PLEKHH1: variants seen among roughly 807,000 people sequenced by gnomAD.
The protein encoded by PLEKHH1 is pleckstrin homology domain-containing family H member 1.
A neutral mutation model predicts 160.0 loss-of-function variants in PLEKHH1; 104 were observed. The ratio of observed to expected loss-of-function variants is 0.65; its 90% confidence interval spans 0.55 to 0.76. The LOEUF (loss-of-function observed/expected upper bound fraction) is 0.76. PLEKHH1 is among the 30% of genes least tolerant of loss of function. The probability of loss-of-function intolerance (pLI) is 0.00; values close to 1 mark genes in which losing one functional copy is unlikely to be tolerated. For missense variants in PLEKHH1, 1,427 were observed against 1,724.1 expected, an observed-to-expected ratio of 0.83 and a Z score of 3.05; for synonymous variants, 619 against 678.4, an observed-to-expected ratio of 0.91 and a Z score of 1.36.
rs1281661160 is a variant in PLEKHH1, at chr14:67,569,194, C to T, written c.1320C>T (p.Pro440=). 6.2e-7 allele frequency: 1 copy of T among 1,612,322 alleles called. No individual in the cohort carries two copies. The highest frequency in any genetic ancestry group is 1.3e-5 in the African/African-American group (1 of 75,002). ...GCATGCGGCTCTCAGATATGTCTCC[C>T]AGAAGTAATACTGCATGCTGCGGTG... ...TSGMRLSDMS[P]RSNTACCASS... The change falls in exon 8 of 29, where the codon CCC becomes CCT. Residue 440 remains proline (P), a synonymous_variant. Transcript: ENST00000329153.
Position 67,562,348 on chromosome 14 carries a change from T to C in PLEKHH1, c.717T>C (p.Ser239=). Residue 239 remains serine, a synonymous_variant, in exon 7 of 29, where the codon TCT becomes TCC. Coordinates refer to ENST00000329153, the MANE Select transcript of PLEKHH1 (RefSeq NM_020715.3). The part of the protein sequence containing the change: ...VSEAASPLED[S]SSSTVHSGET... Reference sequence around the variant, plus strand: ...AAGCAGCAAGCCCCTTGGAGGATTCTAGTTCCAGCACGGTCCATTCTGGGG... The same window carrying C: ...AAGCAGCAAGCCCCTTGGAGGATTCCAGTTCCAGCACGGTCCATTCTGGGG... 6.2e-7 allele frequency: 1 copy of C among 1,613,950 alleles called. No homozygotes were observed. The highest frequency in any genetic ancestry group is 8.5e-7 in the Non-Finnish European group (1 of 1,179,822).
intron 23 of PLEKHH1, among the ~76,000 whole-genome samples, chr14:67,581,346 A>T (rs2035890356): frequency 6.6e-6 from 1 of 152,052 alleles, no homozygotes; most frequent in South Asian, 2.1e-4. Context: ...GCAACATGGC[A>T]AAACCCCACC....
intron 2 of PLEKHH1, among the ~76,000 whole-genome samples, chr14:67,550,440 C>T (rs190060463): frequency 6.6e-6 from 1 of 152,342 alleles, no homozygotes; most frequent in Admixed American, 6.5e-5. Flanking sequence ...CCATCCGCCT[C>T]GGCCTCCCAA....
intron 7 of PLEKHH1, among the ~76,000 whole-genome samples, chr14:67,567,863 G>A (rs1470847238): frequency 6.6e-6 from 1 of 152,176 alleles, no homozygotes; most frequent in Admixed American, 6.5e-5. Context: ...GGTGACTCAC[G>A]TCACCTTTGT....
chr14:67,541,964 A>T lies in PLEKHH1; in HGVS notation c.97A>T (p.Ser33Cys), dbSNP rs1268461848. The T allele has an allele frequency of 6.2e-7, 1 of 1,607,692 alleles. No individual in the cohort carries two copies. The highest frequency in any genetic ancestry group is 8.5e-7 in the Non-Finnish European group (1 of 1,177,352). ...TQLFRFRLQASKIRELLADKM... is the reference protein window; with the variant it reads ...TQLFRFRLQACKIRELLADKM... ...GCTTTTCCGGTTCCGCCTACAGGCCAGCAAGATAAGGGAGCTGCTGGCTGA... is the reference window on the plus strand; with the variant it reads ...GCTTTTCCGGTTCCGCCTACAGGCCTGCAAGATAAGGGAGCTGCTGGCTGA... Residue 33 changes from serine to cysteine, a missense_variant, in exon 2 of 29, where the codon AGC (serine) becomes TGC (cysteine). This residue lies in a region of PLEKHH1 where 831 missense variants were observed against 929.2 expected (regional missense o/e 0.89). Transcript: ENST00000329153.
At chr14:67,564,288 CG>C (rs900507165) in intron 7 of PLEKHH1, among the ~76,000 whole-genome samples, 2 of 152,086 alleles carry the variant, frequency 1.3e-5, no homozygotes, top group African/African-American at 4.8e-5. Flanking sequence ...TAGGCAACTG[CG>C]CCAGGCCAGC....
At position 67,578,220 on chromosome 14, in the gene PLEKHH1, G is replaced by A; in HGVS notation, c.2751+21G>A. 1 of 1,607,978 alleles carries A rather than the reference G, an allele frequency of 6.2e-7. No homozygotes were observed. Among genetic ancestry groups the A allele is most frequent in the Non-Finnish European group, 8.5e-7 (1 of 1,175,710 alleles). On this transcript the variant is annotated intron_variant, in intron 19 of 28. Coordinates refer to ENST00000329153, the MANE Select transcript of PLEKHH1 (RefSeq NM_020715.3). The surrounding 1 kb of genome is among the most constrained non-coding windows in gnomAD (Gnocchi z 5.0). ...TGCAGGTAGGCATGCCAGGGGTGGA[G>A]CAGCTGACAGAAGCCATTGGCAAGG...
intron 7 of PLEKHH1, 187 bp from the exon 8 acceptor site, chr14:67,568,951 T>A: frequency 1.7e-6 from 1 of 573,988 alleles, no homozygotes; most frequent in Non-Finnish European, 3.1e-6. Flanking sequence ...GTAAGTATTA[T>A]TACCTCCATT....
In PLEKHH1 at chr14:67,546,499, T is replaced by C. The variant is rs148579453; in HGVS notation, c.126+4506T>C. Among the ~76,000 whole-genome samples the C allele has an allele frequency of 4.4e-3, 671 of 152,292 alleles. 18 individuals carry two copies. In the East Asian group the frequency reaches 0.061, roughly 14 times the overall value. On this transcript the variant is annotated intron_variant, in intron 2 of 28. Transcript: ENST00000329153. ...TCCCCATCCTGGGTTCAAGCGATTCTCCTGCCTTAGCCTCCCGAGTAGCTG... is the reference window on the plus strand; with the variant it reads ...TCCCCATCCTGGGTTCAAGCGATTCCCCTGCCTTAGCCTCCCGAGTAGCTG...
At chr14:67,545,193 A>C (rs1292742989) in intron 2 of PLEKHH1, among the ~76,000 whole-genome samples, 1 of 152,124 alleles carries the variant, frequency 6.6e-6, no homozygotes, top group Non-Finnish European at 1.5e-5. Context: ...CCTTCCCTTT[A>C]AGTTAGTGAC....
chr14:67,564,166 G>C (rs1187655298), intron 7 of PLEKHH1, among the ~76,000 whole-genome samples: 10 of 152,042 alleles, frequency 6.6e-5, no homozygotes, highest in Admixed American at 6.6e-4. Flanking sequence ...CTCCCAAAGT[G>C]TAATTTTTAT....
At chr14:67,551,796 C>T (rs1048105289) in intron 2 of PLEKHH1, among the ~76,000 whole-genome samples, 1 of 151,910 alleles carries the variant, frequency 6.6e-6, no homozygotes, top group Non-Finnish European at 1.5e-5. Context: ...GATCGAGAAT[C>T]GCTTGAACCT....
rs1443961930 is a variant in PLEKHH1 at position 67,582,200 on chromosome 14, T to G, written c.3416T>G (p.Leu1139Arg). The stretch of plus-strand genomic sequence containing the variant: ...GAATTGGCTCTTGAGATGGCTGCCC[T>G]GATGGCCCAGGTAAGGTTCTGTTCA... ...NKELALEMAA[L>R]MAQVEYGDLE... is the part of the protein sequence containing the mutation. The change falls in exon 24 of 29, where the codon CTG (leucine) becomes CGG (arginine). Residue 1139 changes from leucine to arginine, a missense_variant. By Grantham distance (102) the Leu-to-Arg change is moderately radical. Coordinates refer to ENST00000329153, the MANE Select transcript of PLEKHH1 (RefSeq NM_020715.3). The surrounding 1 kb of genome is among the most constrained non-coding windows in gnomAD (Gnocchi z 5.0). 2 of 1,613,704 alleles carry G rather than the reference T, an allele frequency of 1.2e-6. No homozygotes were observed. The highest frequency in any genetic ancestry group is 8.5e-7 in the Non-Finnish European group (1 of 1,179,856).
At chr14:67,540,365 C>A (rs974074638) in intron 1 of PLEKHH1, among the ~76,000 whole-genome samples, 4 of 152,082 alleles carry the variant, frequency 2.6e-5, no homozygotes, top group African/African-American at 9.7e-5. Context: ...GTGGCTCACA[C>A]CTGTAATCCC....
At chr14:67,572,381 C>A in intron 11 of PLEKHH1, 104 bp downstream of exon 11, 1 of 922,998 alleles carries the variant, frequency 1.1e-6, no homozygotes. Context: ...AGTGAGGGGT[C>A]CCTAGAGCTG....
At chr14:67,551,225 C>T (rs2034378299) in intron 2 of PLEKHH1, among the ~76,000 whole-genome samples, 1 of 152,212 alleles carries the variant, frequency 6.6e-6, no homozygotes. Context: ...AAGCAGGACA[C>T]TCTGGAGAGA....
chr14:67,571,948 C>T (rs2035397287), intron 10 of PLEKHH1, 46 bp downstream of exon 10: 1 of 1,560,968 alleles, frequency 6.4e-7, no homozygotes, highest in Non-Finnish European at 8.7e-7. Flanking sequence ...CAAGGAGCCC[C>T]TCACCTCTTC....
At chr14:67,539,770 A>G (rs1259901939) in intron 1 of PLEKHH1, among the ~76,000 whole-genome samples, 2 of 152,224 alleles carry the variant, frequency 1.3e-5, no homozygotes, top group East Asian at 3.8e-4. Context: ...CTGTACAATT[A>G]TCTGTAAATT....
Position 67,573,458 on chromosome 14 carries a change from C to T in PLEKHH1, c.1839+72C>T, listed in dbSNP as rs573910562. ...ACACCCTGGACTATGTCAGATGGGA[C>T]GGAGGAGGGGGAATGTGGCCCAAGG... On this transcript the variant is annotated intron_variant, in intron 12 of 28. Transcript: ENST00000329153. This position sits in a 1 kb window ranked among gnomAD's most constrained non-coding sequence, Gnocchi z 4.8. 3.5e-5 allele frequency: 36 copies of T among 1,022,022 alleles called. No individual in the cohort carries two copies. Among genetic ancestry groups the T allele is most frequent in the South Asian group, 2.7e-4 (20 of 73,546 alleles). 63.3% of individuals were successfully genotyped at this position (1,022,022 alleles called of 1,614,324 possible). A position where few individuals can be genotyped will look rare whatever the true frequency, so the allele number is the denominator to read the frequency against.
Sources: gnomAD v4.1 joint callset for allele counts (sites outside exome capture counted in the v4.1 genomes callset) on GRCh38, gnomAD v4.1.1 for gene constraint, gnomAD v4.1.1 regional missense constraint, Gnocchi (gnomAD v3.1) non-coding constraint, MANE v1.5 for transcripts, NCBI Gene and HGNC (gene_info 2026-07-23, HGNC 2026-07-21) for gene names.